Variants in ZNF589 observed in about 807,000 individuals in gnomAD.
The protein encoded by ZNF589 is KRAB-zinc finger protein SZF1-1.
A neutral mutation model predicts 13.6 loss-of-function variants in ZNF589; 17 were observed. The observed-to-expected ratio is 1.25, with a 90% CI of 0.86 to 1.88. The LOEUF (loss-of-function observed/expected upper bound fraction) is 1.88, where lower values mean the gene tolerates loss of function less well. Ranked by LOEUF, ZNF589 falls within the 40% of genes most tolerant of loss-of-function variation. ZNF589 has a pLI of 0.00. For missense variants in ZNF589, 407 were observed against 434.0 expected (o/e 0.94, Z 0.55); for synonymous variants, 148 against 161.6 (o/e 0.92, Z 0.64).
In ZNF589 at chr3:48,255,951, G is replaced by A. The variant is rs148917764; in HGVS notation, c.97-4862G>A. 4.2e-3 allele frequency among the ~76,000 whole-genome samples: 632 copies of A among 151,932 alleles called. 3 individuals carry two copies. Among genetic ancestry groups the A allele is most frequent in the African/African-American group, 0.015 (610 of 41,442 alleles). ...CTAGATGTTGGGTTTTGTATTTTCT[G>A]TATCAAATGATATGATCATATGATT... On this transcript the variant is annotated intron_variant, in intron 2 of 3. Coordinates refer to ENST00000354698, the MANE Select transcript of ZNF589 (RefSeq NM_016089.3).
At chr3:48,259,007 G>C (rs541013279) in intron 2 of ZNF589, among the ~76,000 whole-genome samples, 1 of 152,058 alleles carries the variant, frequency 6.6e-6, no homozygotes, top group East Asian at 1.9e-4. Flanking sequence ...TGAGACCTGG[G>C]GTATAAAAAG....
intron 3 of ZNF589, among the ~76,000 whole-genome samples, chr3:48,263,797 A>G (rs983002811): frequency 3.9e-5 from 6 of 152,308 alleles, no homozygotes; most frequent in South Asian, 2.1e-4. Context: ...AGTACATTTA[A>G]TTAAATATGA....
chr3:48,256,449 T>G, intron 2 of ZNF589: 1 of 562,984 alleles, frequency 1.8e-6, no homozygotes. Flanking sequence ...GGCCTTTTTT[T>G]GTAGATGGGC....
Position 48,268,292 on chromosome 3 carries a change from G to C in ZNF589, c.601G>C (p.Asp201His), listed in dbSNP as rs773035359. Residue 201 changes from aspartate to histidine, a missense_variant, in exon 4 of 4, where the codon GAC becomes CAC. By Grantham distance (81) the Asp-to-His change is moderately conservative (BLOSUM62 -1). Coordinates refer to ENST00000354698, the MANE Select transcript of ZNF589 (RefSeq NM_016089.3). ...PAQNASSEEV[D>H]RISKRAETPG... Reference sequence around the variant, plus strand: ...CCAGAATGCAAGCTCTGAGGAAGTAGACAGAATTTCCAAGAGGGCAGAAAC... The same window carrying C: ...CCAGAATGCAAGCTCTGAGGAAGTACACAGAATTTCCAAGAGGGCAGAAAC... The C allele has an allele frequency of 3.7e-5, 60 of 1,613,200 alleles. No homozygotes were observed. In the South Asian group the frequency reaches 6.3e-4, roughly 17 times the overall value.
intron 2 of ZNF589, among the ~76,000 whole-genome samples, chr3:48,249,212 C>T (rs1403204800): frequency 6.6e-6 from 1 of 151,868 alleles, no homozygotes; most frequent in African/African-American, 2.4e-5. Context: ...AAGCGATTCT[C>T]CTGCCTCAGC....
intron 2 of ZNF589, chr3:48,256,693 G>GT (rs1332714947): frequency 6.7e-7 from 1 of 1,484,838 alleles, no homozygotes; most frequent in South Asian, 1.1e-5. Context: ...CATCATCATA[G>GT]TTTTACTTGT....
At position 48,268,139 on chromosome 3, in the gene ZNF589, G is replaced by A; in HGVS notation, c.448G>A (p.Gly150Ser). ...AEAEDQRVEG[G>S]VRPLFWSTNE... The stretch of plus-strand genomic sequence containing the variant: ...AGCAGAAGATCAACGAGTGGAAGGA[G>A]GCGTCAGACCCTTGTTTTGGAGTAC... The change falls in exon 4 of 4, where the codon GGC (glycine) becomes AGC (serine). Residue 150 changes from glycine to serine, a missense_variant. Physicochemically the swap from Gly to Ser is moderately conservative, Grantham distance 56 (BLOSUM62 0). Coordinates refer to ENST00000354698, the MANE Select transcript of ZNF589 (RefSeq NM_016089.3). 3.7e-6 allele frequency: 6 copies of A among 1,614,150 alleles called. No individual in the cohort carries two copies. Among genetic ancestry groups the A allele is most frequent in the Middle Eastern group, 1.6e-4 (1 of 6,062 alleles).
In ZNF589 at chr3:48,270,027, A is replaced by C. The variant is rs1366144910; in HGVS notation, c.*1241A>C. On this transcript the variant is annotated 3_prime_UTR_variant, in exon 4 of 4. Coordinates refer to ENST00000354698, the MANE Select transcript of ZNF589 (RefSeq NM_016089.3). ...TGACAGAGATCTAACTTCTGAGAGCAGAGGTGTCAAGTGACGGTCCCCTTG... is the reference window on the plus strand; with the variant it reads ...TGACAGAGATCTAACTTCTGAGAGCCGAGGTGTCAAGTGACGGTCCCCTTG... The C allele has an allele frequency of 2.2e-6, 1 of 457,324 alleles. No homozygotes were observed. Among genetic ancestry groups the C allele is most frequent in the African/African-American group, 2.0e-5 (1 of 50,200 alleles). 28.3% of individuals were successfully genotyped at this position (457,324 alleles called of 1,614,324 possible). A position where few individuals can be genotyped will look rare whatever the true frequency, so the allele number is the denominator to read the frequency against.
At chr3:48,243,539 C>T (rs1394987161) in intron 1 of ZNF589, among the ~76,000 whole-genome samples, 4 of 151,758 alleles carry the variant, frequency 2.6e-5, no homozygotes, top group African/African-American at 4.8e-5. Context: ...GGACCGGGCG[C>T]GGTGACTCAC....
At position 48,268,402 on chromosome 3, in the gene ZNF589, A is replaced by C. The variant is rs1412596866; in HGVS notation, c.711A>C (p.Thr237=). 2 of 1,614,140 alleles carry C rather than the reference A, an allele frequency of 1.2e-6. No individual in the cohort carries two copies. Among genetic ancestry groups the C allele is most frequent in the African/African-American group, 2.7e-5 (2 of 74,946 alleles). ...ACCTGTTCAGACAGAAGGCAGTCAC[A>C]GCAGAAAAATCTTCAGACAAAAGGC... ...KSNLFRQKAV[T]AEKSSDKRQS... Residue 237 remains threonine, a synonymous_variant, in exon 4 of 4, where the codon ACA becomes ACC. Transcript: ENST00000354698.
intron 2 of ZNF589, chr3:48,256,478 C>CGGGG: frequency 1.7e-6 from 1 of 590,754 alleles, no homozygotes; most frequent in South Asian, 1.7e-5. Flanking sequence ...GCGGGGACCC[C>CGGGG]AGTGGGTCAG....
At position 48,258,190 on chromosome 3, in the gene ZNF589, A is replaced by AT. The variant is rs543331975; in HGVS notation, c.97-2614dup. Among the ~76,000 whole-genome samples the AT allele has an allele frequency of 3.4e-4, 52 of 150,996 alleles. 1 individual carries two copies. The highest frequency in any genetic ancestry group is 3.4e-3 in the Middle Eastern group (1 of 294). ...GCCTCCCCATTTATCTAGATCTTTG[A>AT]TTTTTTTTTCCATTGGCATTTTGTA... On this transcript the variant is annotated intron_variant, in intron 2 of 3. Coordinates refer to ENST00000354698, the MANE Select transcript of ZNF589 (RefSeq NM_016089.3).
chr3:48,253,594 G>T (rs2033865091), intron 2 of ZNF589, among the ~76,000 whole-genome samples: 1 of 151,336 alleles, frequency 6.6e-6, no homozygotes. Context: ...CTGCCTCCCG[G>T]GTCCACGCCA....
chr3:48,267,421 G>A (rs866486322), intron 3 of ZNF589, among the ~76,000 whole-genome samples: 6 of 149,654 alleles, frequency 4.0e-5, no homozygotes, highest in South Asian at 4.2e-4. Context: ...TTTTTGAGAC[G>A]GAGTCTCACT....
At chr3:48,256,972 G>T in intron 2 of ZNF589, 2 of 620,108 alleles carry the variant, frequency 3.2e-6, no homozygotes, top group South Asian at 3.0e-5. Context: ...CACAATGATT[G>T]ATTTTCAAAT....
intron 3 of ZNF589, among the ~76,000 whole-genome samples, chr3:48,263,544 A>G (rs1366515452): frequency 1.3e-5 from 2 of 152,128 alleles, no homozygotes; most frequent in Non-Finnish European, 2.9e-5. Flanking sequence ...AGTTCAAGAC[A>G]AGCCTGGCCA....
In ZNF589 at chr3:48,268,172, A is replaced by G. The variant is rs1553775953; in HGVS notation, c.481A>G (p.Arg161Gly). Residue 161 changes from arginine to glycine, a missense_variant, in exon 4 of 4, where the codon AGG becomes GGG. By Grantham distance (125) the Arg-to-Gly change is moderately radical. Coordinates refer to ENST00000354698, the MANE Select transcript of ZNF589 (RefSeq NM_016089.3). ...VRPLFWSTNERGALVGFSSLF... is the reference protein window; with the variant it reads ...VRPLFWSTNEGGALVGFSSLF... Reference sequence around the variant, plus strand: ...ACCCTTGTTTTGGAGTACAAATGAAAGGGGGGCTTTAGTGGGTTTCTCTAG... The same window carrying G: ...ACCCTTGTTTTGGAGTACAAATGAAGGGGGGGCTTTAGTGGGTTTCTCTAG... 1 of 1,612,784 alleles carries G rather than the reference A, an allele frequency of 6.2e-7. No individual in the cohort carries two copies. Among genetic ancestry groups the G allele is most frequent in the Non-Finnish European group, 8.5e-7 (1 of 1,179,314 alleles).
At chr3:48,259,462 A>G (rs1264886850) in intron 2 of ZNF589, among the ~76,000 whole-genome samples, 2 of 152,134 alleles carry the variant, frequency 1.3e-5, no homozygotes, top group African/African-American at 4.8e-5. Flanking sequence ...CTAGAAGCTT[A>G]ATTAGTTTAG....
chr3:48,244,908 G>C (rs1017822571), intron 1 of ZNF589, among the ~76,000 whole-genome samples: 1 of 151,376 alleles, frequency 6.6e-6, no homozygotes, highest in Non-Finnish European at 1.5e-5. Flanking sequence ...TCCGCCTCCC[G>C]GGTTCAAGTG....
Sources: gnomAD v4.1 joint callset for allele counts (sites outside exome capture counted in the v4.1 genomes callset) on GRCh38, gnomAD v4.1.1 for gene constraint, MANE v1.5 for transcripts, NCBI Gene and HGNC (gene_info 2026-07-23, HGNC 2026-07-21) for gene names.